The following WWC2 variants were observed in gnomAD, a reference collection of about 807,000 sequenced individuals.
WWC2 encodes the protein WW and C2 domain containing 2.
WWC2 carries 101 observed loss-of-function variants against 138.5 expected under a neutral mutation model. That is an observed-to-expected ratio of 0.73 (90% CI 0.62 to 0.86). The LOEUF is 0.86. WWC2 is among the 40% of genes least tolerant of loss of function. The pLI is 0.00. For missense variants in WWC2, 1,420 were observed against 1,419.4 expected (o/e 1.00, Z -0.01); for synonymous variants, 558 against 538.4 (o/e 1.04, Z -0.50).
Position 183,113,480 on chromosome 4 carries a change from C to CTGTGTGTG in WWC2, c.131+13887_131+13894dup, listed in dbSNP as rs113602820. ...CAATTGAACTGAGGTAAGGTGGGGC[C>CTGTGTGTG]TGTGTGTGTGTGTGTGTGTGTGTGT... On this transcript the variant is annotated intron_variant, in intron 1 of 22. Transcript: ENST00000403733. Among the ~76,000 whole-genome samples the CTGTGTGTG allele has an allele frequency of 6.0e-3, 860 of 143,790 alleles. 8 individuals carry two copies. The highest frequency in any genetic ancestry group is 0.021 in the African/African-American group (807 of 39,140). 94.3% of individuals were successfully genotyped at this position (143,790 alleles called of 152,430 possible).
chr4:183,113,866 T>A (rs1321629853), intron 1 of WWC2, among the ~76,000 whole-genome samples: 3 of 151,942 alleles, frequency 2.0e-5, no homozygotes, highest in Non-Finnish European at 2.9e-5. Context: ...GTGGATTTGC[T>A]TTTACCTAAA....
At chr4:183,163,221 C>T (rs2111144625) in intron 1 of WWC2, among the ~76,000 whole-genome samples, 1 of 152,294 alleles carries the variant, frequency 6.6e-6, no homozygotes, top group South Asian at 2.1e-4. Flanking sequence ...ATGTTTAGTA[C>T]TTAAAGTGTG....
chr4:183,102,295 G>A (rs954580967), intron 1 of WWC2, among the ~76,000 whole-genome samples: 2 of 152,202 alleles, frequency 1.3e-5, no homozygotes, highest in Non-Finnish European at 2.9e-5. Context: ...TTGTATTAGT[G>A]TAGTGTTGAC....
intron 1 of WWC2, among the ~76,000 whole-genome samples, chr4:183,114,311 T>C (rs1185233595): frequency 6.6e-6 from 1 of 152,174 alleles, no homozygotes; most frequent in African/African-American, 2.4e-5. Flanking sequence ...GGGCCATGCT[T>C]TCTGTGTAGC....
At chr4:183,178,492 G>C (rs1580015910) in intron 1 of WWC2, among the ~76,000 whole-genome samples, 1 of 151,732 alleles carries the variant, frequency 6.6e-6, no homozygotes, top group East Asian at 1.9e-4. Flanking sequence ...GAGGCAGGAG[G>C]ATCACTTGAG....
intron 6 of WWC2, among the ~76,000 whole-genome samples, chr4:183,246,569 A>G (rs1200033806): frequency 3.3e-5 from 5 of 152,236 alleles, no homozygotes; most frequent in African/African-American, 7.2e-5. Flanking sequence ...TGTGCCAGAC[A>G]TTCTTCTAAC....
At chr4:183,136,928 T>G (rs1162918945) in intron 1 of WWC2, among the ~76,000 whole-genome samples, 2 of 152,092 alleles carry the variant, frequency 1.3e-5, no homozygotes, top group East Asian at 3.9e-4. Flanking sequence ...TGCCTATTCC[T>G]CCTAGGTTAC....
rs1041756852 is a variant in WWC2 at position 183,161,365 on chromosome 4, T to A, written c.132-32234T>A. On this transcript the variant is annotated intron_variant, in intron 1 of 22. Transcript: ENST00000403733. ...GGAGTTTCAGACAGGTTATTAATGC[T>A]ACAAGTAGAGATTATGCATTTCTGT... Among the ~76,000 whole-genome samples, 2 of 152,192 alleles carry A rather than the reference T, an allele frequency of 1.3e-5. 1 individual carries two copies. The highest frequency in any genetic ancestry group is 1.3e-4 in the Admixed American group (2 of 15,282).
chr4:183,266,056 A>G, intron 14 of WWC2, 105 bp downstream of exon 14: 4 of 1,074,796 alleles, frequency 3.7e-6, no homozygotes, highest in Non-Finnish European at 5.4e-6. Context: ...TACGGAAAAG[A>G]CATAGCAGGG....
chr4:183,192,209 C>T (rs1282567138), intron 1 of WWC2, among the ~76,000 whole-genome samples: 1 of 152,190 alleles, frequency 6.6e-6, no homozygotes, highest in Non-Finnish European at 1.5e-5. Context: ...GTCCTGGATG[C>T]TCTTCCAAGT....
intron 1 of WWC2, among the ~76,000 whole-genome samples, chr4:183,136,329 A>G (rs533824473): frequency 2.0e-5 from 3 of 152,128 alleles, no homozygotes; most frequent in Admixed American, 1.3e-4. Flanking sequence ...TAGTTACTTC[A>G]GTTGCGACTT....
intron 5 of WWC2, 43 bp downstream of exon 5, chr4:183,240,305 A>T: frequency 7.0e-7 from 1 of 1,418,756 alleles, no homozygotes. Flanking sequence ...TAAGCTCCCT[A>T]ACTAGTATGA....
intron 12 of WWC2, 67 bp from the exon 13 acceptor site, chr4:183,265,621 C>T (rs966118227): frequency 9.9e-5 from 147 of 1,478,532 alleles, no homozygotes; most frequent in Middle Eastern, 1.7e-4. Flanking sequence ...CACTAAGTGG[C>T]AAACTGTTAA....
intron 16 of WWC2, among the ~76,000 whole-genome samples, chr4:183,276,088 A>G (rs1560881381): frequency 1.3e-5 from 2 of 152,044 alleles, no homozygotes; most frequent in Non-Finnish European, 2.9e-5. Context: ...TGCTAGCAAT[A>G]CCTCTTGTTT....
Position 183,218,000 on chromosome 4 carries a change from GC to G in WWC2, c.522+8977del, listed in dbSNP as rs567681361. Among the ~76,000 whole-genome samples the G allele has an allele frequency of 7.2e-4, 109 of 152,046 alleles. 1 individual carries two copies. Among genetic ancestry groups the G allele is most frequent in the African/African-American group, 2.3e-3 (96 of 41,488 alleles). On this transcript the variant is annotated intron_variant, in intron 4 of 22. Transcript: ENST00000403733. The stretch of plus-strand genomic sequence containing the variant: ...TGGTAAAGAGAAAATCTTAAAAGTA[GC>G]CATAGAAAAAGTCATTATGTACAGT...
At chr4:183,143,372 AC>A in intron 1 of WWC2, among the ~76,000 whole-genome samples, 1 of 152,288 alleles carries the variant, frequency 6.6e-6, no homozygotes, top group African/African-American at 2.4e-5. Context: ...GTAAGTCATT[AC>A]TAATTGATGA....
At position 183,248,823 on chromosome 4, in the gene WWC2, C is replaced by T. The variant is rs146190351; in HGVS notation, c.842C>T (p.Thr281Ile). The change falls in exon 7 of 23, where the codon ACC becomes ATC. Residue 281 changes from threonine (T) to isoleucine (I), a missense_variant. Thr to Ile is a moderately conservative substitution (Grantham distance 89). Coordinates refer to ENST00000403733, the MANE Select transcript of WWC2 (RefSeq NM_024949.6). ...VNSHLCLSRQ[T>I]LDAGSQTSIS... ...TCTCATTTATGTCTCTCCAGACAGA[C>T]CCTTGATGCTGGGTCACAAACAAGC... 3.7e-6 allele frequency: 6 copies of T among 1,602,094 alleles called. No homozygotes were observed. The African/African-American group carries it at 8.0e-5, about 21-fold the overall frequency.
At chr4:183,156,016 TTC>T (rs1237164469) in intron 1 of WWC2, among the ~76,000 whole-genome samples, 1 of 99,876 alleles carries the variant, frequency 1.0e-5, no homozygotes, top group Non-Finnish European at 1.9e-5. Context: ...TGTTGTTTTT[TTC>T]TTTCTTTCCT....
At position 183,302,204 on chromosome 4, in the gene WWC2, A is replaced by G. The variant is rs143753977; in HGVS notation, c.3385-10137A>G. Among the ~76,000 whole-genome samples the G allele has an allele frequency of 5.2e-3, 794 of 152,346 alleles. 11 individuals are homozygous for G. Among genetic ancestry groups the G allele is most frequent in the African/African-American group, 0.018 (739 of 41,578 alleles). On this transcript the variant is annotated intron_variant, in intron 21 of 22. Transcript: ENST00000403733. ...TCTTAGTAAGAGAATTGCTGATAGT[A>G]TCAGTTTGGCCGTGAACCATAGTCA... is the stretch of plus-strand genomic sequence containing the variant.
Sources: gnomAD v4.1 joint callset for allele counts (sites outside exome capture counted in the v4.1 genomes callset) on GRCh38, gnomAD v4.1.1 for gene constraint, MANE v1.5 for transcripts, NCBI Gene and HGNC (gene_info 2026-07-23, HGNC 2026-07-21) for gene names.